Variants in OSBPL6 observed in about 807,000 individuals in gnomAD.
OSBPL6 encodes oxysterol binding protein like 6, also known as oxysterol-binding protein-related protein 6.
Under a neutral mutation model 125.8 loss-of-function variants are expected in OSBPL6, and 49 were observed. That is an observed-to-expected ratio of 0.39 (90% confidence interval 0.31 to 0.49). The LOEUF (loss-of-function observed/expected upper bound fraction) is 0.49, where lower values mean the gene tolerates loss of function less well. Among genes scored for constraint, OSBPL6 ranks in the 20% least tolerant of loss-of-function variants. The pLI, the probability that OSBPL6 is intolerant of heterozygous loss-of-function variation, is 0.88. For synonymous variants in OSBPL6, 394 were observed against 391.8 expected (o/e 1.01, Z -0.07); for missense variants, 986 against 1,135.4 (o/e 0.87, Z 1.89).
At chr2:178,267,353 CAAAAAAAA>C (rs57444695) in intron 1 of OSBPL6, among the ~76,000 whole-genome samples, 3 of 81,754 alleles carry the variant, frequency 3.7e-5, no homozygotes, top group Non-Finnish European at 7.0e-5. Context: ...AACTCCATCT[CAAAAAAAA>C]AAAAAAAAAA....
intron 1 of OSBPL6, among the ~76,000 whole-genome samples, chr2:178,239,419 G>A (rs1333585562): frequency 6.6e-6 from 1 of 151,936 alleles, no homozygotes; most frequent in Non-Finnish European, 1.5e-5. Context: ...GATTAGCCGG[G>A]TGCAGTAGCA....
intron 3 of OSBPL6, among the ~76,000 whole-genome samples, chr2:178,307,834 C>T (rs146393490): frequency 2.6e-5 from 4 of 152,158 alleles, no homozygotes; most frequent in Admixed American, 6.5e-5. Context: ...ATGGTAAAGA[C>T]GGATGACTCC....
chr2:178,334,408 C>G (rs1689493572), intron 8 of OSBPL6, among the ~76,000 whole-genome samples: 1 of 152,204 alleles, frequency 6.6e-6, no homozygotes, highest in South Asian at 2.1e-4. Context: ...CTAACCAAAT[C>G]AGATTAAATG....
intron 1 of OSBPL6, among the ~76,000 whole-genome samples, chr2:178,218,979 C>T (rs971212761): frequency 6.6e-6 from 1 of 151,986 alleles, no homozygotes; most frequent in South Asian, 2.1e-4. Context: ...GTACATAATT[C>T]TTTGCTTTTT....
chr2:178,316,611 G>T (rs970755202), intron 3 of OSBPL6, among the ~76,000 whole-genome samples: 11 of 152,150 alleles, frequency 7.2e-5, no homozygotes, highest in Non-Finnish European at 1.2e-4. Context: ...CATGGTTTAT[G>T]TAACTGCCGT....
intron 1 of OSBPL6, among the ~76,000 whole-genome samples, chr2:178,214,808 A>G (rs2090019726): frequency 6.6e-6 from 1 of 151,936 alleles, no homozygotes; most frequent in East Asian, 1.9e-4. Context: ...TTAATCAGCC[A>G]GGTATGGTGG....
intron 1 of OSBPL6, among the ~76,000 whole-genome samples, chr2:178,254,175 C>T (rs1284296510): frequency 1.3e-5 from 2 of 152,026 alleles, no homozygotes; most frequent in Admixed American, 6.6e-5. Context: ...GGGCGGATCA[C>T]GAGGTCAGGA....
At chr2:178,378,060 C>T (rs1346236444) in intron 15 of OSBPL6, among the ~76,000 whole-genome samples, 1 of 152,070 alleles carries the variant, frequency 6.6e-6, no homozygotes, top group Non-Finnish European at 1.5e-5. Flanking sequence ...AACACCTGAC[C>T]TCAAGTGATT....
At chr2:178,206,567 G>A (rs2089540920) in intron 1 of OSBPL6, among the ~76,000 whole-genome samples, 1 of 152,254 alleles carries the variant, frequency 6.6e-6, no homozygotes, top group East Asian at 1.9e-4. Context: ...AAAGGCTTTA[G>A]TAAGCTCTTT....
chr2:178,310,255 G>A (rs1336055657), intron 3 of OSBPL6, among the ~76,000 whole-genome samples: 1 of 152,104 alleles, frequency 6.6e-6, no homozygotes, highest in Non-Finnish European at 1.5e-5. Context: ...ACTTATTTAT[G>A]TTGACTGACT....
At chr2:178,313,807 T>TCA (rs1687504802) in intron 3 of OSBPL6, among the ~76,000 whole-genome samples, 1 of 152,184 alleles carries the variant, frequency 6.6e-6, no homozygotes, top group Non-Finnish European at 1.5e-5. Context: ...GGTGACATAT[T>TCA]AAGGCCATCC....
rs190979472 is a variant in OSBPL6, at chr2:178,228,522, G to A, written c.-351+33848G>A. Among the ~76,000 whole-genome samples, 114 of 152,256 alleles carry A rather than the reference G, an allele frequency of 7.5e-4. No individual in the cohort carries two copies. The East Asian group carries it at 0.018, about 24-fold the overall frequency. ...TGCACTCCGGCCAGGGTGACAGAGC[G>A]AGACTCCATCTCAAAAAACAAAATA... On this transcript the variant is annotated intron_variant, in intron 1 of 24. Transcript: ENST00000190611.
At position 178,306,057 on chromosome 2, in the gene OSBPL6, G is replaced by T. The variant is rs537838401; in HGVS notation, c.-128G>T. 88 of 635,202 alleles carry T rather than the reference G, an allele frequency of 1.4e-4. No homozygotes were observed. The highest frequency in any genetic ancestry group is 2.1e-4 in the Non-Finnish European group (76 of 353,626). The allele number at this position is 635,202 out of a possible 1,614,324, so 39.3% of individuals were successfully genotyped here. On this transcript the variant is annotated 5_prime_UTR_variant, in exon 3 of 25. Coordinates refer to ENST00000190611, the MANE Select transcript of OSBPL6 (RefSeq NM_032523.4). ...GGTTTGGACACCCTCAATATTGCCT[G>T]CTCTTTTCTAGTCAAACCTGATTCA...
chr2:178,314,225 G>C (rs1687544262), intron 3 of OSBPL6, among the ~76,000 whole-genome samples: 1 of 152,200 alleles, frequency 6.6e-6, no homozygotes. Context: ...AAACAAAAAT[G>C]TTCTAATTTC....
intron 5 of OSBPL6, among the ~76,000 whole-genome samples, chr2:178,330,047 C>G (rs1004881614): frequency 6.6e-6 from 1 of 152,176 alleles, no homozygotes; most frequent in Non-Finnish European, 1.5e-5. Flanking sequence ...TGCCAAGGAC[C>G]TGTCCTCACT....
At chr2:178,349,454 TC>T in intron 12 of OSBPL6, 65 bp downstream of exon 12, 4 of 1,531,818 alleles carry the variant, frequency 2.6e-6, no homozygotes, top group Non-Finnish European at 3.6e-6. Flanking sequence ...TATCCTTTGT[TC>T]TTTTATCTTT....
rs1688143994 is a variant in OSBPL6 at position 178,320,484 on chromosome 2, G to A, written c.103-3693G>A. On this transcript the variant is annotated intron_variant, in intron 3 of 24. Transcript: ENST00000190611. The stretch of plus-strand genomic sequence containing the variant: ...ATTAACTTATAATTTTAGCATTTGA[G>A]AGGAAACTTGATTTTAGAAGAATAA... The A allele has an allele frequency of 8.6e-5, 121 of 1,402,836 alleles. 2 individuals carry two copies. In the South Asian group the frequency reaches 1.5e-3, roughly 17 times the overall value. The allele number at this position is 1,402,836 out of a possible 1,614,324, so 86.9% of individuals were successfully genotyped here.
intron 3 of OSBPL6, 141 bp downstream of exon 3, chr2:178,306,427 C>T (rs1178640680): frequency 9.9e-6 from 6 of 607,674 alleles, no homozygotes; most frequent in South Asian, 2.0e-5. Flanking sequence ...TCTGTAGGTA[C>T]GTTCATTGAT....
chr2:178,335,280 T>C (rs1689579121), intron 8 of OSBPL6, among the ~76,000 whole-genome samples: 1 of 152,100 alleles, frequency 6.6e-6, no homozygotes, highest in Non-Finnish European at 1.5e-5. Flanking sequence ...TATCTGAGAA[T>C]GGAAGACTAA....
Sources: allele counts gnomAD v4.1 joint callset (sites outside exome capture counted in the v4.1 genomes callset), GRCh38; gene constraint gnomAD v4.1.1; transcripts MANE v1.5; gene names NCBI Gene and HGNC (gene_info 2026-07-23, HGNC 2026-07-21).